B4GALT6: variants seen among roughly 807,000 people sequenced by gnomAD.
B4GALT6 encodes the protein UDP-Gal:beta-GlcNAc beta-1,4-galactosyltransferase 6.
In B4GALT6, 14 loss-of-function variants were observed where a neutral mutation model predicts 46.3. The ratio of observed to expected loss-of-function variants is 0.30; its 90% CI spans 0.20 to 0.47. The LOEUF is 0.47. Among genes scored for constraint, B4GALT6 ranks in the 20% least tolerant of loss-of-function variants. The probability of loss-of-function intolerance (pLI) is 0.99; values close to 1 mark genes in which losing one functional copy is unlikely to be tolerated. For synonymous variants in B4GALT6, 168 were observed against 162.0 expected, an observed-to-expected ratio of 1.04 and a Z score of -0.28; for missense variants, 386 against 480.1, an observed-to-expected ratio of 0.80 and a Z score of 1.83.
At chr18:31,664,853 T>C (rs2074265238) in intron 2 of B4GALT6, among the ~76,000 whole-genome samples, 1 of 152,238 alleles carries the variant, frequency 6.6e-6, no homozygotes, top group Non-Finnish European at 1.5e-5. Flanking sequence ...GAATAGTTAA[T>C]GAGACTTTTA....
At chr18:31,651,359 A>G (rs1165101122) in intron 3 of B4GALT6, among the ~76,000 whole-genome samples, 1 of 151,954 alleles carries the variant, frequency 6.6e-6, no homozygotes, top group African/African-American at 2.4e-5. Flanking sequence ...TTCAGCAAAA[A>G]CAAGTGTCAC....
the B4GALT6 span, among the ~76,000 whole-genome samples, chr18:31,717,751 T>C: frequency 5.7e-4 from 86 of 152,130 alleles, no homozygotes; most frequent in Non-Finnish European, 9.6e-4. Flanking sequence ...GTTCAGGAGT[T>C]CGAGACCAGC....
At chr18:31,652,501 G>A (rs756604911) in intron 3 of B4GALT6, among the ~76,000 whole-genome samples, 61 of 152,122 alleles carry the variant, frequency 4.0e-4, no homozygotes, top group Admixed American at 1.4e-3. Context: ...TCACAAGTAC[G>A]GATTTTCTCA....
At chr18:31,671,640 T>C (rs2074358788) in intron 1 of B4GALT6, among the ~76,000 whole-genome samples, 1 of 152,244 alleles carries the variant, frequency 6.6e-6, no homozygotes, top group South Asian at 2.1e-4. Context: ...ATATTAGCCC[T>C]TTGTCCGATG....
At chr18:31,682,395 T>C (rs2074489920) in intron 1 of B4GALT6, among the ~76,000 whole-genome samples, 1 of 152,226 alleles carries the variant, frequency 6.6e-6, no homozygotes, top group Non-Finnish European at 1.5e-5. Context: ...CTCTTCTAAC[T>C]GGTTTTAATA....
upstream of B4GALT6, chr18:31,686,776 A>T (rs891964649): frequency 3.9e-5 from 6 of 152,226 alleles, no homozygotes; most frequent in South Asian, 6.2e-4. Flanking sequence ...AGGAAGCAAA[A>T]ATTGTGATTT....
intron 2 of B4GALT6, among the ~76,000 whole-genome samples, chr18:31,660,389 T>C (rs1187176314): frequency 1.3e-5 from 2 of 152,144 alleles, no homozygotes; most frequent in Admixed American, 6.5e-5. Flanking sequence ...TAAGCATGAA[T>C]TGGGTTTCTG....
At chr18:31,646,221 G>C (rs2073989388) in intron 3 of B4GALT6, among the ~76,000 whole-genome samples, 1 of 152,164 alleles carries the variant, frequency 6.6e-6, no homozygotes, top group Non-Finnish European at 1.5e-5. Context: ...CACTTCTGAG[G>C]TATTCCTGGT....
the B4GALT6 span, among the ~76,000 whole-genome samples, chr18:31,720,794 A>G: frequency 1.3e-5 from 2 of 152,228 alleles, no homozygotes; most frequent in African/African-American, 2.4e-5. Context: ...GCTAAATAAC[A>G]AACAGAAAGA....
the B4GALT6 span, chr18:31,718,830 G>A: frequency 1.3e-4 from 20 of 152,180 alleles, no homozygotes; most frequent in Admixed American, 1.3e-3. Context: ...GTTTTTGATA[G>A]CATAAGTAGC....
At chr18:31,687,582 A>G (rs1429687311), upstream of B4GALT6, among the ~76,000 whole-genome samples, 1 of 152,234 alleles carries the variant, frequency 6.6e-6, no homozygotes, top group Non-Finnish European at 1.5e-5. Flanking sequence ...GCAGAAATCT[A>G]AAAGTCTATT....
intron 8 of B4GALT6, among the ~76,000 whole-genome samples, chr18:31,626,062 C>A (rs574180856): frequency 1.3e-5 from 2 of 152,090 alleles, no homozygotes; most frequent in African/African-American, 4.8e-5. Context: ...GGCTCTTTAA[C>A]GTAAATATGT....
chr18:31,720,437 A>G, the B4GALT6 span, among the ~76,000 whole-genome samples: 1 of 152,224 alleles, frequency 6.6e-6, no homozygotes, highest in African/African-American at 2.4e-5. Flanking sequence ...GGCAAATGGC[A>G]GGACTTCAGC....
At chr18:31,680,124 C>T (rs891471966) in intron 1 of B4GALT6, among the ~76,000 whole-genome samples, 35 of 152,202 alleles carry the variant, frequency 2.3e-4, no homozygotes, top group African/African-American at 7.7e-4. Context: ...CCATGATATT[C>T]GGATACCAAA....
At chr18:31,631,196 TCATC>T in intron 5 of B4GALT6, 50 bp from the exon 6 acceptor site, 2 of 1,174,630 alleles carry the variant, frequency 1.7e-6, no homozygotes, top group Non-Finnish European at 1.2e-6. Context: ...TCACACTTCA[TCATC>T]TTTTTTTTTT....
chr18:31,701,090 A>G, the B4GALT6 span, among the ~76,000 whole-genome samples: 1 of 152,196 alleles, frequency 6.6e-6, no homozygotes, highest in Non-Finnish European at 1.5e-5. Context: ...TATGGTTTGG[A>G]TCTGTGTTCC....
chr18:31,665,312 G>A (rs568969668), intron 2 of B4GALT6, among the ~76,000 whole-genome samples: 223 of 152,226 alleles, frequency 1.5e-3, no homozygotes, highest in African/African-American at 5.2e-3. Flanking sequence ...TGCCATAAAC[G>A]AGCATTCACA....
At chr18:31,640,280 A>G (rs2144557265) in intron 4 of B4GALT6, among the ~76,000 whole-genome samples, 1 of 152,298 alleles carries the variant, frequency 6.6e-6, no homozygotes, top group South Asian at 2.1e-4. Flanking sequence ...GAAATAATTG[A>G]GAATACTTAA....
At chr18:31,652,237 G>A (rs71372020) in intron 3 of B4GALT6, among the ~76,000 whole-genome samples, 9,177 of 152,120 alleles carry the variant, frequency 0.06, 370 homozygotes, top group Non-Finnish European at 0.09. Context: ...CACTTCTGAC[G>A]CACTTCTCAA....
Sources: gnomAD v4.1 joint callset for allele counts (sites outside exome capture counted in the v4.1 genomes callset) on GRCh38, gnomAD v4.1.1 for gene constraint, MANE v1.5 for transcripts, NCBI Gene and HGNC (gene_info 2026-07-23, HGNC 2026-07-21) for gene names.